CDH13: variants seen among roughly 807,000 people sequenced by gnomAD.
CDH13 encodes the protein cadherin 13, also known as cadherin-13.
CDH13 carries 24 observed loss-of-function variants against 63.8 expected under a neutral mutation model. The ratio of observed to expected loss-of-function variants is 0.38; its 90% CI spans 0.27 to 0.53. The LOEUF is 0.53. CDH13 is among the 20% of genes least tolerant of loss of function. CDH13 has a pLI of 0.85. For synonymous variants in CDH13, 503 were observed against 355.3 expected, an observed-to-expected ratio of 1.42 and a Z score of -4.67; for missense variants, 1,049 against 903.1, an observed-to-expected ratio of 1.16 and a Z score of -2.07.
intron 10 of CDH13, among the ~76,000 whole-genome samples, chr16:83,740,344 G>C (rs1170662427): frequency 2.0e-5 from 3 of 151,908 alleles, no homozygotes; most frequent in Admixed American, 1.3e-4. Flanking sequence ...ATGGACTGTA[G>C]CAAGCAGAAG....
At chr16:83,626,960 G>T (rs910617023) in intron 8 of CDH13, among the ~76,000 whole-genome samples, 1 of 152,042 alleles carries the variant, frequency 6.6e-6, no homozygotes, top group African/African-American at 2.4e-5. Flanking sequence ...CTCTTTCCCA[G>T]TTCTCATGCT....
Position 82,723,987 on chromosome 16 carries a change from C to T in CDH13, c.45+96850C>T, listed in dbSNP as rs529865420. ...TCTTGAAATAACTCTGGTAAGTGCC[C>T]AGCAGAGCCAGATGCTGGGCTGAGT... is the stretch of plus-strand genomic sequence containing the variant. On this transcript the variant is annotated intron_variant, in intron 1 of 13. Transcript: ENST00000567109. 4.6e-5 allele frequency among the ~76,000 whole-genome samples: 7 copies of T among 152,192 alleles called. No homozygotes were observed. The East Asian group carries it at 1.4e-3, about 29-fold the overall frequency.
intron 2 of CDH13, among the ~76,000 whole-genome samples, chr16:82,965,972 T>C (rs1907746303): frequency 6.6e-6 from 1 of 152,208 alleles, no homozygotes; most frequent in Admixed American, 6.5e-5. Flanking sequence ...ATTCAGGGCA[T>C]GAAAATATCC....
chr16:82,984,757 A>G (rs1910723567), intron 2 of CDH13, among the ~76,000 whole-genome samples: 1 of 152,198 alleles, frequency 6.6e-6, no homozygotes, highest in Admixed American at 6.5e-5. Context: ...TAGGCAATTC[A>G]GTCAAAATCT....
At chr16:83,773,581 C>T (rs1914904438) in intron 11 of CDH13, among the ~76,000 whole-genome samples, 1 of 152,160 alleles carries the variant, frequency 6.6e-6, no homozygotes, top group South Asian at 2.1e-4. Context: ...CAATCATCTC[C>T]CTCCCTCAAT....
chr16:83,501,227 A>G (rs149197592), intron 7 of CDH13, among the ~76,000 whole-genome samples: 5 of 152,310 alleles, frequency 3.3e-5, no homozygotes, highest in African/African-American at 9.6e-5. Flanking sequence ...ATTTATTTCT[A>G]CCTTTGTGAA....
chr16:82,653,962 G>A lies in CDH13; in HGVS notation c.45+26825G>A, dbSNP rs116495809. On this transcript the variant is annotated intron_variant, in intron 1 of 13. Coordinates refer to ENST00000567109, the MANE Select transcript of CDH13 (RefSeq NM_001257.5). ...GATAAGACTTGCTAATTAACTGTAC[G>A]GGGTTACAGGGAGGGACAGGGAGAA... Among the ~76,000 whole-genome samples, 853 of 152,188 alleles carry A rather than the reference G, an allele frequency of 5.6e-3. 12 individuals carry two copies. Among genetic ancestry groups the A allele is most frequent in the African/African-American group, 0.02 (813 of 41,506 alleles).
intron 1 of CDH13, among the ~76,000 whole-genome samples, chr16:82,806,572 G>C (rs1379819141): frequency 6.6e-6 from 1 of 152,188 alleles, no homozygotes; most frequent in African/African-American, 2.4e-5. Context: ...TGAGCAGAGT[G>C]AAAGTTAAGG....
At chr16:82,793,632 G>T (rs181338145) in intron 1 of CDH13, among the ~76,000 whole-genome samples, 1 of 152,094 alleles carries the variant, frequency 6.6e-6, no homozygotes, top group Non-Finnish European at 1.5e-5. Context: ...TTTTATGCCC[G>T]ATATAGTAAC....
At chr16:83,264,859 AT>A (rs1210855477) in intron 5 of CDH13, among the ~76,000 whole-genome samples, 1 of 152,076 alleles carries the variant, frequency 6.6e-6, no homozygotes, top group African/African-American at 2.4e-5. Context: ...AAAACTAAAG[AT>A]ATGGCTGTCA....
At chr16:82,806,952 T>C (rs988432234) in intron 1 of CDH13, among the ~76,000 whole-genome samples, 1 of 152,194 alleles carries the variant, frequency 6.6e-6, no homozygotes, top group African/African-American at 2.4e-5. Flanking sequence ...CAGTCATCAT[T>C]GGGGTGAAAT....
chr16:83,121,962 TCACACA>T lies in CDH13; in HGVS notation c.367-3395_367-3390del, dbSNP rs10665608. Among the ~76,000 whole-genome samples the T allele has an allele frequency of 2.1e-3, 315 of 147,514 alleles. 1 individual carries two copies. The highest frequency in any genetic ancestry group is 7.1e-3 in the African/African-American group (285 of 40,010). On this transcript the variant is annotated intron_variant, in intron 3 of 13. Coordinates refer to ENST00000567109, the MANE Select transcript of CDH13 (RefSeq NM_001257.5). ...TTACATAAATTTTCCTTTAAAACTG[TCACACA>T]CACACACACACACACACACACACAC...
chr16:83,110,178 T>C (rs143044721), intron 3 of CDH13, among the ~76,000 whole-genome samples: 2 of 152,348 alleles, frequency 1.3e-5, no homozygotes, highest in East Asian at 3.9e-4. Context: ...TCTGTTTAAG[T>C]AAATGTGTTT....
At chr16:83,101,437 A>G (rs1454019428) in intron 3 of CDH13, among the ~76,000 whole-genome samples, 3 of 113,610 alleles carry the variant, frequency 2.6e-5, no homozygotes, top group African/African-American at 9.9e-5. Flanking sequence ...TGATATTGCC[A>G]AAAAAAAAAA....
At chr16:83,097,622 C>T (rs921266448) in intron 3 of CDH13, among the ~76,000 whole-genome samples, 6 of 152,112 alleles carry the variant, frequency 3.9e-5, no homozygotes, top group Admixed American at 1.3e-4. Flanking sequence ...ACTGGGATAG[C>T]CAAGGAAGGC....
chr16:83,497,015 G>A (rs973445814), intron 7 of CDH13, among the ~76,000 whole-genome samples: 1 of 152,176 alleles, frequency 6.6e-6, no homozygotes, highest in Admixed American at 6.5e-5. Context: ...GAAACAACAG[G>A]TGCTGGAGAG....
At chr16:82,970,703 T>G (rs1908610936) in intron 2 of CDH13, among the ~76,000 whole-genome samples, 1 of 152,126 alleles carries the variant, frequency 6.6e-6, no homozygotes, top group African/African-American at 2.4e-5. Context: ...AAACCTTACC[T>G]GTTTGAGTGT....
intron 3 of CDH13, among the ~76,000 whole-genome samples, chr16:83,113,110 A>G (rs2035140695): frequency 6.6e-6 from 1 of 152,246 alleles, no homozygotes; most frequent in South Asian, 2.1e-4. Context: ...GCAACTCCAG[A>G]AAACAAAACC....
chr16:83,763,829 A>G (rs1490780730), intron 11 of CDH13, among the ~76,000 whole-genome samples: 3 of 151,920 alleles, frequency 2.0e-5, no homozygotes, highest in Admixed American at 1.3e-4. Context: ...CAATAAAAGA[A>G]CTCTTAAGAT....
Sources: allele counts gnomAD v4.1 joint callset (sites outside exome capture counted in the v4.1 genomes callset), GRCh38; gene constraint gnomAD v4.1.1; transcripts MANE v1.5; gene names NCBI Gene and HGNC (gene_info 2026-07-23, HGNC 2026-07-21).